Variants in MTFMT observed in about 807,000 individuals in gnomAD.
The protein encoded by MTFMT is mitochondrial methionyl-tRNA formyltransferase, also known as methionyl-tRNA formyltransferase, mitochondrial.
Under a neutral mutation model 51.8 loss-of-function variants are expected in MTFMT, and 47 were observed. The ratio of observed to expected loss-of-function variants is 0.91; its 90% CI spans 0.72 to 1.16. MTFMT has a LOEUF of 1.16. Ranked by LOEUF, MTFMT falls within the 50% of genes most tolerant of loss-of-function variation. The probability of loss-of-function intolerance (pLI) is 0.00; values close to 1 mark genes in which losing one functional copy is unlikely to be tolerated. For synonymous variants in MTFMT, 196 were observed against 176.7 expected, an observed-to-expected ratio of 1.11 and a Z score of -0.87; for missense variants, 512 against 482.3, an observed-to-expected ratio of 1.06 and a Z score of -0.58.
chr15:65,024,214 T>C (rs2086401453), intron 2 of MTFMT, among the ~76,000 whole-genome samples: 1 of 152,114 alleles, frequency 6.6e-6, no homozygotes. Flanking sequence ...TAATCCCAGC[T>C]ACTCGGAAGG....
intron 3 of MTFMT, among the ~76,000 whole-genome samples, chr15:65,023,151 T>A (rs1166527951): frequency 8.5e-5 from 13 of 152,212 alleles, no homozygotes; most frequent in Admixed American, 8.5e-4. Flanking sequence ...AGAGACTGAA[T>A]AAACTCCTCA....
rs2086179584 is a variant in MTFMT at position 65,001,946 on chromosome 15, T to G, written c.*1116A>C. 1 of 152,166 alleles carries G rather than the reference T, an allele frequency of 6.6e-6. No individual in the cohort carries two copies. The highest frequency in any genetic ancestry group is 2.4e-5 in the African/African-American group (1 of 41,434). The allele number at this position is 152,166 out of a possible 1,614,324, so 9.4% of individuals were successfully genotyped here. On this transcript the variant is annotated 3_prime_UTR_variant, in exon 9 of 9. Coordinates refer to ENST00000220058, the MANE Select transcript of MTFMT (RefSeq NM_139242.4). ...GATCAATGTGGCAGAGATTATTAAA[T>G]ATTACCTACGTTTACTACTTGGTTA...
intron 5 of MTFMT, among the ~76,000 whole-genome samples, 178 bp downstream of exon 5, chr15:65,020,019 T>A (rs1423959034): frequency 6.6e-6 from 1 of 152,208 alleles, no homozygotes; most frequent in Non-Finnish European, 1.5e-5. Flanking sequence ...CAATCCTTCA[T>A]GAGGCTATAT....
chr15:65,029,559 G>T lies in MTFMT; in HGVS notation c.55C>A (p.Arg19Ser), dbSNP rs1248246688. ...CGCCACTGGGGACTCGGCCTCCCAC[G>T]CCTGGCGCCATGAGCCAGCGGAGGA... ...WGPPLAHGAR[R>S]GRPSPQWRAL... The change falls in exon 1 of 9, where the codon CGT becomes AGT. Residue 19 changes from arginine to serine, a missense_variant. By Grantham distance (110) the Arg-to-Ser change is moderately radical. Coordinates refer to ENST00000220058, the MANE Select transcript of MTFMT (RefSeq NM_139242.4). 4 of 1,503,338 alleles carry T rather than the reference G, an allele frequency of 2.7e-6. No homozygotes were observed. The highest frequency in any genetic ancestry group is 2.5e-5 in the South Asian group (2 of 80,262). 93.1% of individuals were successfully genotyped at this position (1,503,338 alleles called of 1,614,324 possible). A position where few individuals can be genotyped will look rare whatever the true frequency, so the allele number is the denominator to read the frequency against.
At position 65,011,021 on chromosome 15, in the gene MTFMT, TG is replaced by T. The variant is rs763052547; in HGVS notation, c.814-4831del. The stretch of plus-strand genomic sequence containing the variant: ...TGGCCATTCATATTATGTATCTGCT[TG>T]AAACAAATGTCTACTCAGGGCCAGG... On this transcript the variant is annotated intron_variant, in intron 6 of 8. Coordinates refer to ENST00000220058, the MANE Select transcript of MTFMT (RefSeq NM_139242.4). Among the ~76,000 whole-genome samples the T allele has an allele frequency of 5.6e-3, 859 of 152,242 alleles. 2 individuals carry two copies. Among genetic ancestry groups the T allele is most frequent in the Non-Finnish European group, 8.2e-3 (555 of 68,004 alleles).
intron 5 of MTFMT, among the ~76,000 whole-genome samples, chr15:65,019,861 C>G (rs551957897): frequency 2.0e-5 from 3 of 152,036 alleles, no homozygotes; most frequent in South Asian, 2.1e-4. Context: ...AATGAATAAG[C>G]AGAATTTAAA....
chr15:65,020,289 A>AG lies in MTFMT; in HGVS notation c.646-18_646-17insC. 1 of 1,595,214 alleles carries AG rather than the reference A, an allele frequency of 6.3e-7. No individual in the cohort carries two copies. The highest frequency in any genetic ancestry group is 8.6e-7 in the Non-Finnish European group (1 of 1,166,230). ...TGAAATGAGCTACAAAAAAAAAAAAAAGAGTGTGATATATTCAAAATGAAG... is the reference window on the plus strand; with the variant it reads ...TGAAATGAGCTACAAAAAAAAAAAAAGAGAGTGTGATATATTCAAAATGAAG... On this transcript the variant is annotated splice_polypyrimidine_tract_variant and intron_variant, in intron 4 of 8. Coordinates refer to ENST00000220058, the MANE Select transcript of MTFMT (RefSeq NM_139242.4).
At chr15:65,028,149 A>C (rs1250651095) in intron 1 of MTFMT, among the ~76,000 whole-genome samples, 2 of 152,198 alleles carry the variant, frequency 1.3e-5, no homozygotes, top group Non-Finnish European at 2.9e-5. Flanking sequence ...GCCAGGAATG[A>C]TGGCTCAGGC....
rs371595014 is a variant in MTFMT, at chr15:65,016,407, T to C, written c.813+29A>G. 1.6e-5 allele frequency: 22 copies of C among 1,412,012 alleles called. No individual in the cohort carries two copies. The African/African-American group carries it at 2.4e-4, about 15-fold the overall frequency. The allele number at this position is 1,412,012 out of a possible 1,614,324, so 87.5% of individuals were successfully genotyped here. A position where few individuals can be genotyped will look rare whatever the true frequency, so the allele number is the denominator to read the frequency against. On this transcript the variant is annotated intron_variant, in intron 6 of 8. Transcript: ENST00000220058. Reference sequence around the variant, plus strand: ...TTACACACATAGAAAACCAACTAGGTAGAACTGCAACCTGACTTCCCAACT... The same window carrying C: ...TTACACACATAGAAAACCAACTAGGCAGAACTGCAACCTGACTTCCCAACT...
intron 1 of MTFMT, chr15:65,029,108 G>A (rs28459681): frequency 4.4e-6 from 1 of 229,252 alleles, no homozygotes; most frequent in Non-Finnish European, 7.2e-6. Context: ...GGACTGGCCC[G>A]GGGGATGCAG....
chr15:65,004,959 G>T (rs754789606), intron 7 of MTFMT, 23 bp from the exon 8 acceptor site: 8 of 1,552,532 alleles, frequency 5.2e-6, no homozygotes, highest in South Asian at 1.1e-5. Context: ...AAAAAGAAAA[G>T]ATATACAAGA....
intron 5 of MTFMT, 83 bp from the exon 6 acceptor site, chr15:65,016,610 C>G: frequency 1.3e-6 from 1 of 774,288 alleles, no homozygotes; most frequent in Non-Finnish European, 2.1e-6. Flanking sequence ...ATAAGAGATA[C>G]CAGAGAATTC....
Position 65,003,179 on chromosome 15 carries a change from G to A in MTFMT, c.1053C>T (p.His351=), listed in dbSNP as rs1462904170. The part of the protein sequence containing the change: ...TATDFYNGYL[H]PWYQKNSQAQ... ...CTTGGGAATTTTTCTGGTACCAGGG[G>A]TGCAAATATCCATTGTAGAAGTCAG... The change falls in exon 9 of 9, where the codon CAC becomes CAT. Residue 351 remains histidine, a synonymous_variant. Transcript: ENST00000220058. The A allele has an allele frequency of 1.2e-6, 2 of 1,613,684 alleles. No homozygotes were observed. The highest frequency in any genetic ancestry group is 1.1e-5 in the South Asian group (1 of 91,056).
In MTFMT at chr15:65,029,443, C is replaced by T. The variant is rs1255086137; in HGVS notation, c.171G>A (p.Gln57=). ...GCGCCCGCAGCGCCTCGCGGGCGAA[C>T]TGGTCCGTGCCGAAGAAGAGCACCC... The part of the protein sequence containing the change: ...PWRVLFFGTD[Q]FAREALRALH... The change falls in exon 1 of 9, where the codon CAG becomes CAA. Residue 57 remains glutamine (Q), a synonymous_variant. Transcript: ENST00000220058. 2.0e-6 allele frequency: 3 copies of T among 1,518,858 alleles called. No individual in the cohort carries two copies. Among genetic ancestry groups the T allele is most frequent in the East Asian group, 5.4e-5 (2 of 37,176 alleles). 94.1% of individuals were successfully genotyped at this position (1,518,858 alleles called of 1,614,324 possible).
At chr15:65,023,427 T>C (rs1015260580) in intron 3 of MTFMT, among the ~76,000 whole-genome samples, 1 of 152,224 alleles carries the variant, frequency 6.6e-6, no homozygotes, top group East Asian at 1.9e-4. Context: ...GTATTAATAA[T>C]ATAACCTATT....
At position 65,003,200 on chromosome 15, in the gene MTFMT, G is replaced by T; in HGVS notation, c.1032C>A (p.Asp344Glu). 1 of 1,613,748 alleles carries T rather than the reference G, an allele frequency of 6.2e-7. No individual in the cohort carries two copies. Among genetic ancestry groups the T allele is most frequent in the South Asian group, 1.1e-5 (1 of 91,060 alleles). The part of the protein sequence containing the change: ...VMLKKSLTAT[D>E]FYNGYLHPWY... ...AGGGGTGCAAATATCCATTGTAGAA[G>T]TCAGTAGCTGTTAGTGATTTCTTGA... The change falls in exon 9 of 9, where the codon GAC (aspartate) becomes GAA (glutamate). Residue 344 changes from aspartate (D) to glutamate (E), a missense_variant. Asp to Glu is a conservative substitution (Grantham distance 45). Coordinates refer to ENST00000220058, the MANE Select transcript of MTFMT (RefSeq NM_139242.4).
Position 65,027,025 on chromosome 15 carries a change from T to C in MTFMT, c.225A>G (p.Glu75=), listed in dbSNP as rs773706894. ...CCACCTCCAGTTTGTCGATTAACTC[T>C]TCTTCTTTGTTTTCCCTAAATTAGA... ...ALHAARENKE[E]ELIDKLEVVT... The change falls in exon 2 of 9, where the codon GAA becomes GAG. Residue 75 remains glutamate (E), a synonymous_variant. Transcript: ENST00000220058. The C allele has an allele frequency of 1.4e-4, 233 of 1,613,202 alleles. No homozygotes were observed. Among genetic ancestry groups the C allele is most frequent in the Non-Finnish European group, 2.0e-4 (232 of 1,179,470 alleles).
Position 65,011,183 on chromosome 15 carries a change from G to A in MTFMT, c.814-4992C>T, listed in dbSNP as rs576482196. 3.9e-5 allele frequency among the ~76,000 whole-genome samples: 6 copies of A among 152,188 alleles called. No homozygotes were observed. The East Asian group carries it at 7.7e-4, about 20-fold the overall frequency. ...CTAAAAGTACAAAAATTAGCCGGGC[G>A]TGGTGGCGCTTGCCTATAATCCCAG... On this transcript the variant is annotated intron_variant, in intron 6 of 8. Transcript: ENST00000220058.
intron 6 of MTFMT, among the ~76,000 whole-genome samples, chr15:65,009,260 G>C (rs771606524): frequency 6.6e-6 from 1 of 152,204 alleles, no homozygotes; most frequent in African/African-American, 2.4e-5. Context: ...GAATCATCAT[G>C]TAGTAAGTTA....
Sources: gnomAD v4.1 joint callset for allele counts (sites outside exome capture counted in the v4.1 genomes callset) on GRCh38, gnomAD v4.1.1 for gene constraint, MANE v1.5 for transcripts, NCBI Gene and HGNC (gene_info 2026-07-23, HGNC 2026-07-21) for gene names.